The following ANKMY1 variants were observed in gnomAD, a reference collection of about 807,000 sequenced individuals.
The protein encoded by ANKMY1 is ankyrin repeat and MYND domain containing 1.
ANKMY1 carries 98 observed loss-of-function variants against 102.0 expected under a neutral mutation model. The observed-to-expected ratio is 0.96, with a 90% CI of 0.82 to 1.14. ANKMY1 has a LOEUF of 1.14. ANKMY1 is among the 50% of genes most tolerant of loss of function. The probability of loss-of-function intolerance (pLI) is 0.00; values close to 1 mark genes in which losing one functional copy is unlikely to be tolerated. For synonymous variants in ANKMY1, 582 were observed against 559.9 expected (o/e 1.04, Z -0.56); for missense variants, 1,330 against 1,347.6 (o/e 0.99, Z 0.20).
upstream of ANKMY1, chr2:240,560,891 C>T (rs544076250): frequency 3.3e-6 from 5 of 1,516,910 alleles, no homozygotes; most frequent in African/African-American, 7.2e-5. Context: ...TGCGCGTGCC[C>T]GTGTTCGACG....
Position 240,515,949 on chromosome 2 carries a change from C to T in ANKMY1, c.2005-3007G>A, listed in dbSNP as rs2081126089. On this transcript the variant is annotated intron_variant, in intron 9 of 17. Coordinates refer to ENST00000401804, the MANE Select transcript of ANKMY1 (RefSeq NM_001282771.3). ...CCGTGTTAGCCAGGATGGTCTCTATCTCCTGACCTTGTGATCTGCCCACCT... is the reference window on the plus strand; with the variant it reads ...CCGTGTTAGCCAGGATGGTCTCTATTTCCTGACCTTGTGATCTGCCCACCT... Among the ~76,000 whole-genome samples the T allele has an allele frequency of 2.6e-5, 4 of 151,080 alleles. No homozygotes were observed. In the South Asian group the frequency reaches 8.4e-4, roughly 32 times the overall value.
chr2:240,533,381 A>G (rs903862484), intron 4 of ANKMY1, among the ~76,000 whole-genome samples: 31 of 152,222 alleles, frequency 2.0e-4, no homozygotes, highest in Admixed American at 1.4e-3. Flanking sequence ...TCAGAGTTGT[A>G]CAAAAGAAAA....
chr2:240,559,042 C>A (rs555668153), upstream of ANKMY1, among the ~76,000 whole-genome samples: 1 of 152,220 alleles, frequency 6.6e-6, no homozygotes, highest in Non-Finnish European at 1.5e-5. Context: ...TCAGAACCAA[C>A]ATGTAGAAAC....
At chr2:240,540,093 A>T in intron 4 of ANKMY1, among the ~76,000 whole-genome samples, 1 of 152,244 alleles carries the variant, frequency 6.6e-6, no homozygotes, top group East Asian at 1.9e-4. Flanking sequence ...AACTTAAAAC[A>T]TTCCTTTGTG....
In ANKMY1 at chr2:240,520,344, G is replaced by A. The variant is rs144867545; in HGVS notation, c.2004+18C>T. 10 of 1,518,672 alleles carry A rather than the reference G, an allele frequency of 6.6e-6. No individual in the cohort carries two copies. The highest frequency in any genetic ancestry group is 3.7e-5 in the South Asian group (3 of 81,458). 94.1% of individuals were successfully genotyped at this position (1,518,672 alleles called of 1,614,324 possible). Reference sequence around the variant, plus strand: ...GTCTGCTGCGCTCGTCCCGGCGCCCGCCCGCCGCGGCTCCTACCTGCGGCG... The same window carrying A: ...GTCTGCTGCGCTCGTCCCGGCGCCCACCCGCCGCGGCTCCTACCTGCGGCG... On this transcript the variant is annotated intron_variant, in intron 9 of 17. Transcript: ENST00000401804. This position sits in a 1 kb window ranked among gnomAD's most constrained non-coding sequence, Gnocchi z 4.8.
In ANKMY1 at chr2:240,500,528, T is replaced by G; in HGVS notation, c.2564A>C (p.Lys855Thr). The G allele has an allele frequency of 1.9e-6, 3 of 1,614,116 alleles. No individual in the cohort carries two copies. Among genetic ancestry groups the G allele is most frequent in the Non-Finnish European group, 1.7e-6 (2 of 1,179,992 alleles). ...RLISHGADIL[K>T]PVMLRQGEKE... ...TTCTCCCTGCCTGAGCATTACAGGC[T>G]TCAGGATGTCGGCCCCGTGACTGAT... is the stretch of plus-strand genomic sequence containing the variant. Residue 855 changes from lysine (K) to threonine (T), a missense_variant, in exon 14 of 18, where the codon AAG (lysine) becomes ACG (threonine). Physicochemically the swap from Lys to Thr is moderately conservative, Grantham distance 78. Coordinates refer to ENST00000401804, the MANE Select transcript of ANKMY1 (RefSeq NM_001282771.3).
At chr2:240,500,183 A>C in intron 14 of ANKMY1, 60 bp from the exon 15 acceptor site, 4 of 1,484,496 alleles carry the variant, frequency 2.7e-6, no homozygotes, top group South Asian at 1.3e-5. Flanking sequence ...TGCTGGGGTG[A>C]CTCTCGGTGA....
In ANKMY1 at chr2:240,556,893, G is replaced by A. The variant is rs553014800; in HGVS notation, c.146+297C>T. On this transcript the variant is annotated intron_variant, in intron 2 of 17. Coordinates refer to ENST00000401804, the MANE Select transcript of ANKMY1 (RefSeq NM_001282771.3). Reference sequence around the variant, plus strand: ...CTGTGAACAACAGAGCTGTGAAGATGGAGACAGCTTGGGAGCCCCATCTCG... The same window carrying A: ...CTGTGAACAACAGAGCTGTGAAGATAGAGACAGCTTGGGAGCCCCATCTCG... Among the ~76,000 whole-genome samples, 18 of 152,310 alleles carry A rather than the reference G, an allele frequency of 1.2e-4. No homozygotes were observed. In the East Asian group the frequency reaches 1.5e-3, roughly 13 times the overall value.
At chr2:240,497,379 C>T (rs114112888) in intron 15 of ANKMY1, among the ~76,000 whole-genome samples, 108 of 152,310 alleles carry the variant, frequency 7.1e-4, no homozygotes, top group African/African-American at 2.5e-3. Context: ...GACATCCATG[C>T]CCTCTTCTAC....
chr2:240,524,146 G>A lies in ANKMY1; in HGVS notation c.1571C>T (p.Ser524Phe). The A allele has an allele frequency of 6.2e-7, 1 of 1,614,018 alleles. No homozygotes were observed. Residue 524 changes from serine to phenylalanine, a missense_variant, in exon 8 of 18, where the codon TCC becomes TTC. Coordinates refer to ENST00000401804, the MANE Select transcript of ANKMY1 (RefSeq NM_001282771.3). ...DHRSSSLKGDSPLVKGSLGHV... is the reference protein window; with the variant it reads ...DHRSSSLKGDFPLVKGSLGHV... Reference sequence around the variant, plus strand: ...GCCAAGGCTGCCCTTCACCAACGGGGAGTCCCCCTTCAGAGAGCTGCTCCT... The same window carrying A: ...GCCAAGGCTGCCCTTCACCAACGGGAAGTCCCCCTTCAGAGAGCTGCTCCT...
intron 4 of ANKMY1, among the ~76,000 whole-genome samples, chr2:240,538,301 T>C (rs949199175): frequency 6.6e-6 from 1 of 151,414 alleles, no homozygotes; most frequent in Admixed American, 6.6e-5. Context: ...AGGCGGGAAA[T>C]GGGGCTGCGA....
At position 240,529,298 on chromosome 2, in the gene ANKMY1, C is replaced by G. The variant is rs781468303; in HGVS notation, c.692G>C (p.Trp231Ser). ...GGGATCCTGTCCCTCCTGCAGTCCC[C>G]ACTCCGTTTTCTCCTCTTCTGAGAG... The part of the protein sequence containing the change: ...ISLSEEEKTE[W>S]GLQEGQDPFF... The change falls in exon 5 of 18, where the codon TGG (tryptophan) becomes TCG (serine). Residue 231 changes from tryptophan to serine, a missense_variant. By Grantham distance (177) the Trp-to-Ser change is radical (BLOSUM62 -3). Transcript: ENST00000401804. The surrounding 1 kb of genome is among the most constrained non-coding windows in gnomAD (Gnocchi z 4.2). 14 of 1,614,168 alleles carry G rather than the reference C, an allele frequency of 8.7e-6. No homozygotes were observed. The highest frequency in any genetic ancestry group is 9.3e-6 in the Non-Finnish European group (11 of 1,180,038).
chr2:240,509,278 G>A (rs1428223192), intron 12 of ANKMY1, 70 bp downstream of exon 12: 1 of 1,270,220 alleles, frequency 7.9e-7, no homozygotes, highest in East Asian at 2.6e-5. Context: ...CCCAATGACG[G>A]ACTGGTGGGG....
At chr2:240,545,620 T>C (rs564664123) in intron 4 of ANKMY1, among the ~76,000 whole-genome samples, 2 of 152,100 alleles carry the variant, frequency 1.3e-5, no homozygotes, top group South Asian at 4.1e-4. Flanking sequence ...GAAAAAACTT[T>C]AGAAGAATGT....
intron 15 of ANKMY1, among the ~76,000 whole-genome samples, chr2:240,497,130 A>G (rs2077367487): frequency 6.6e-6 from 1 of 152,040 alleles, no homozygotes; most frequent in Non-Finnish European, 1.5e-5. Flanking sequence ...GAAGCTGAGC[A>G]TAAGAATGGA....
intron 15 of ANKMY1, among the ~76,000 whole-genome samples, chr2:240,496,289 C>G (rs2077241263): frequency 6.6e-6 from 1 of 152,112 alleles, no homozygotes; most frequent in African/African-American, 2.4e-5. Context: ...AAGTTTTTAT[C>G]TATCATTTCT....
At chr2:240,515,360 C>A (rs1480172799) in intron 9 of ANKMY1, among the ~76,000 whole-genome samples, 1 of 152,056 alleles carries the variant, frequency 6.6e-6, no homozygotes, top group Non-Finnish European at 1.5e-5. Context: ...CATGGTGAAA[C>A]CTCGCCTCTA....
At chr2:240,525,475 GGAGAT>G (rs1379085445) in intron 7 of ANKMY1, among the ~76,000 whole-genome samples, 3 of 152,202 alleles carry the variant, frequency 2.0e-5, no homozygotes, top group Non-Finnish European at 2.9e-5. Flanking sequence ...CTGCTATGCA[GGAGAT>G]GAGTAAAGAA....
At chr2:240,483,409 G>A (rs1300307368) in intron 15 of ANKMY1, among the ~76,000 whole-genome samples, 1 of 152,006 alleles carries the variant, frequency 6.6e-6, no homozygotes, top group Admixed American at 6.6e-5. Flanking sequence ...CATCCTCCTC[G>A]GCCTCCCAAA....
Sources: allele counts gnomAD v4.1 joint callset (sites outside exome capture counted in the v4.1 genomes callset), GRCh38; gene constraint gnomAD v4.1.1; non-coding constraint Gnocchi (gnomAD v3.1); transcripts MANE v1.5; gene names NCBI Gene and HGNC (gene_info 2026-07-23, HGNC 2026-07-21).